RAD54B: variants seen among roughly 807,000 people sequenced by gnomAD.
RAD54B encodes RAD54 homolog B.
Under a neutral mutation model 95.8 loss-of-function variants are expected in RAD54B, and 78 were observed. That is an observed-to-expected ratio of 0.81 (90% CI 0.68 to 0.98). RAD54B has a LOEUF of 0.98. RAD54B is among the 50% of genes least tolerant of loss of function. RAD54B has a pLI of 0.00. For missense variants in RAD54B, 957 were observed against 1,056.6 expected (o/e 0.91, Z 1.31); for synonymous variants, 328 against 354.9 (o/e 0.92, Z 0.85).
chr8:94,447,530 T>C (rs576697790), intron 3 of RAD54B, among the ~76,000 whole-genome samples: 4 of 152,272 alleles, frequency 2.6e-5, no homozygotes, highest in Admixed American at 1.3e-4. Context: ...AGCCAGAAAA[T>C]CTGGGTGAAA....
At chr8:94,390,010 G>A (rs936190368) in intron 10 of RAD54B, among the ~76,000 whole-genome samples, 1 of 152,096 alleles carries the variant, frequency 6.6e-6, no homozygotes, top group Non-Finnish European at 1.5e-5. Flanking sequence ...CATGCCCAAA[G>A]GGTTTGATTT....
At chr8:94,420,059 C>CTA (rs1160351177) in intron 3 of RAD54B, among the ~76,000 whole-genome samples, 1 of 152,084 alleles carries the variant, frequency 6.6e-6, no homozygotes, top group African/African-American at 2.4e-5. Context: ...GAACCATAGG[C>CTA]TATACCACAC....
At chr8:94,442,438 G>A (rs545414427) in intron 3 of RAD54B, among the ~76,000 whole-genome samples, 239 of 152,208 alleles carry the variant, frequency 1.6e-3, no homozygotes, top group African/African-American at 4.5e-3. Context: ...AGCCAGGCGT[G>A]GTGGCAGGCG....
chr8:94,422,249 T>C (rs944194935), intron 3 of RAD54B, among the ~76,000 whole-genome samples: 2 of 152,082 alleles, frequency 1.3e-5, no homozygotes, highest in Non-Finnish European at 2.9e-5. Context: ...CTATTTTGAC[T>C]CTAGGTACAT....
intron 5 of RAD54B, among the ~76,000 whole-genome samples, chr8:94,405,213 C>G (rs1291009757): frequency 6.6e-6 from 1 of 151,952 alleles, no homozygotes. Flanking sequence ...AAAATATCAC[C>G]CAAAAAGGCA....
At chr8:94,429,387 C>T in intron 3 of RAD54B, 1 of 750,962 alleles carries the variant, frequency 1.3e-6, no homozygotes, top group Non-Finnish European at 1.6e-6. Context: ...AAGATGTATA[C>T]TGCACTTTTT....
intron 8 of RAD54B, among the ~76,000 whole-genome samples, chr8:94,396,257 GA>G (rs72247843): frequency 0.15 from 19,988 of 135,350 alleles, 1,859 homozygotes; most frequent in African/African-American, 0.28. Flanking sequence ...ACCTGTAGAA[GA>G]AAAAAAAAAA....
chr8:94,382,082 C>T (rs1316105521), intron 11 of RAD54B, among the ~76,000 whole-genome samples: 1 of 149,230 alleles, frequency 6.7e-6, no homozygotes, highest in Non-Finnish European at 1.5e-5. Flanking sequence ...CCACTGCACT[C>T]CAGCCTGGGC....
intron 2 of RAD54B, among the ~76,000 whole-genome samples, chr8:94,464,890 G>A (rs1307480597): frequency 6.6e-6 from 1 of 152,106 alleles, no homozygotes. Context: ...TCAATCACAA[G>A]AGGGAGAGCA....
chr8:94,422,963 T>C (rs962939949), intron 3 of RAD54B, among the ~76,000 whole-genome samples: 2 of 151,426 alleles, frequency 1.3e-5, no homozygotes, highest in African/African-American at 2.4e-5. Flanking sequence ...ATGGGACTAA[T>C]TGGGAAAGAG....
chr8:94,382,443 T>A (rs1810767592), intron 11 of RAD54B, among the ~76,000 whole-genome samples: 1 of 152,188 alleles, frequency 6.6e-6, no homozygotes, highest in Non-Finnish European at 1.5e-5. Flanking sequence ...AAGTTGTCAG[T>A]CAAGTGCTAG....
At chr8:94,441,885 A>G (rs1812406494) in intron 3 of RAD54B, among the ~76,000 whole-genome samples, 1 of 152,240 alleles carries the variant, frequency 6.6e-6, no homozygotes. Context: ...AACGGGGTCA[A>G]AGGCCAAACA....
chr8:94,469,267 T>G (rs1449619342), intron 1 of RAD54B, among the ~76,000 whole-genome samples: 3 of 152,154 alleles, frequency 2.0e-5, no homozygotes, highest in African/African-American at 7.2e-5. Context: ...ATAATCCCCA[T>G]GTCAAGGGCA....
At chr8:94,445,623 G>A (rs899901985) in intron 3 of RAD54B, among the ~76,000 whole-genome samples, 1 of 152,062 alleles carries the variant, frequency 6.6e-6, no homozygotes, top group African/African-American at 2.4e-5. Context: ...TTGAAGCACA[G>A]CACCCACAAT....
At chr8:94,443,611 C>T (rs1022230855) in intron 3 of RAD54B, among the ~76,000 whole-genome samples, 1 of 151,856 alleles carries the variant, frequency 6.6e-6, no homozygotes, top group African/African-American at 2.4e-5. Context: ...AAATGTTTAC[C>T]TTACCTTATG....
chr8:94,422,070 C>T (rs1003469118), intron 3 of RAD54B, among the ~76,000 whole-genome samples: 5 of 152,042 alleles, frequency 3.3e-5, no homozygotes, highest in African/African-American at 7.2e-5. Flanking sequence ...CTTAAATTTC[C>T]GATTGCCAAA....
chr8:94,403,106 T>TA (rs1480247520), intron 6 of RAD54B, among the ~76,000 whole-genome samples: 2 of 152,198 alleles, frequency 1.3e-5, no homozygotes, highest in Non-Finnish European at 1.5e-5. Flanking sequence ...AAGGAGTTCT[T>TA]AGAGTTGGGG....
At chr8:94,395,919 T>C (rs565719841) in intron 8 of RAD54B, among the ~76,000 whole-genome samples, 1 of 152,238 alleles carries the variant, frequency 6.6e-6, no homozygotes, top group East Asian at 1.9e-4. Flanking sequence ...CTTCCAGTTA[T>C]ATGGGGGAAT....
chr8:94,407,759 T>C (rs757963464), intron 4 of RAD54B, 39 bp from the exon 5 acceptor site: 3 of 1,554,676 alleles, frequency 1.9e-6, no homozygotes, highest in Non-Finnish European at 2.6e-6. Context: ...TGACACTCTA[T>C]GATACCACGG....
Sources: allele counts gnomAD v4.1 joint callset (sites outside exome capture counted in the v4.1 genomes callset), GRCh38; gene constraint gnomAD v4.1.1; transcripts MANE v1.5; gene names NCBI Gene and HGNC (gene_info 2026-07-23, HGNC 2026-07-21).